The following MGAT4C variants were observed in gnomAD, a reference collection of about 807,000 sequenced individuals.
The protein encoded by MGAT4C is MGAT4 family member C, also known as alpha-1,3-mannosyl-glycoprotein 4-beta-N-acetylglucosaminyltransferase C.
MGAT4C carries 19 observed loss-of-function variants against 40.1 expected under a neutral mutation model. The ratio of observed to expected loss-of-function variants is 0.47; its 90% CI spans 0.33 to 0.70. The LOEUF (loss-of-function observed/expected upper bound fraction) is 0.70. Ranked by LOEUF, MGAT4C falls within the 30% of genes least tolerant of loss-of-function variation. The pLI is 0.02. For synonymous variants in MGAT4C, 181 were observed against 187.1 expected, an observed-to-expected ratio of 0.97 and a Z score of 0.27; for missense variants, 491 against 563.2, an observed-to-expected ratio of 0.87 and a Z score of 1.30.
rs142295353 is a variant in MGAT4C, at chr12:86,518,290, C to T, written c.-228-83025G>A. 5.8e-3 allele frequency among the ~76,000 whole-genome samples: 890 copies of T among 152,254 alleles called. 5 individuals are homozygous for T. The highest frequency in any genetic ancestry group is 0.01 in the Middle Eastern group (3 of 294). ...TACTAAGAAAATACAAATCAAGTCA[C>T]AGCCTAGGATTCTGTATATTTGACC... is the stretch of plus-strand genomic sequence containing the variant. On this transcript the variant is annotated intron_variant, in intron 2 of 7. Transcript: ENST00000548651.
intron 3 of MGAT4C, among the ~76,000 whole-genome samples, chr12:86,346,856 G>A (rs574617334): frequency 1.3e-5 from 2 of 152,310 alleles, no homozygotes; most frequent in African/African-American, 4.8e-5. Flanking sequence ...GCTAGAAAAT[G>A]TACGTGGAAA....
At chr12:86,264,698 C>T (rs1460585989) in intron 4 of MGAT4C, among the ~76,000 whole-genome samples, 2 of 151,806 alleles carry the variant, frequency 1.3e-5, no homozygotes, top group African/African-American at 4.9e-5. Flanking sequence ...GCCATGGCTA[C>T]GGACCCAAGC....
chr12:86,244,426 C>G (rs1231196471), intron 1 of MGAT4C, among the ~76,000 whole-genome samples: 1 of 152,180 alleles, frequency 6.6e-6, no homozygotes, highest in Non-Finnish European at 1.5e-5. Flanking sequence ...AGTTCTGGCT[C>G]TACCACTAAG....
At chr12:86,005,580 C>G (rs1223365212) in intron 2 of MGAT4C, among the ~76,000 whole-genome samples, 1 of 152,118 alleles carries the variant, frequency 6.6e-6, no homozygotes, top group Non-Finnish European at 1.5e-5. Context: ...AAGATCACTT[C>G]CTAGCAGGCC....
chr12:86,096,294 T>G (rs2135583672), intron 1 of MGAT4C, among the ~76,000 whole-genome samples: 1 of 151,884 alleles, frequency 6.6e-6, no homozygotes. Context: ...ATGTAGTTTC[T>G]TATTTCAGAT....
chr12:86,782,542 C>T (rs911520512), intron 1 of MGAT4C, among the ~76,000 whole-genome samples: 6 of 151,952 alleles, frequency 3.9e-5, no homozygotes, highest in Non-Finnish European at 7.4e-5. Context: ...AAATATCTCA[C>T]GAATGTTGTT....
chr12:86,138,615 A>G (rs1179627166), intron 1 of MGAT4C, among the ~76,000 whole-genome samples: 1 of 146,290 alleles, frequency 6.8e-6, no homozygotes, highest in Non-Finnish European at 1.5e-5. Context: ...CCATAGATAT[A>G]TCATATATAT....
At chr12:86,511,498 G>T (rs367578687) in intron 2 of MGAT4C, among the ~76,000 whole-genome samples, 1 of 152,040 alleles carries the variant, frequency 6.6e-6, no homozygotes, top group African/African-American at 2.4e-5. Context: ...AAATGTAACT[G>T]ACATGTTTTA....
intron 2 of MGAT4C, among the ~76,000 whole-genome samples, chr12:86,707,925 T>C (rs1343259543): frequency 6.6e-6 from 1 of 152,146 alleles, no homozygotes; most frequent in East Asian, 1.9e-4. Context: ...AGCAGAAAAG[T>C]TCAGAAAATT....
At chr12:86,140,918 T>C (rs1409187839) in intron 1 of MGAT4C, among the ~76,000 whole-genome samples, 2 of 152,226 alleles carry the variant, frequency 1.3e-5, no homozygotes, top group Non-Finnish European at 1.5e-5. Flanking sequence ...TTACTTTGAA[T>C]ACCCCCAACT....
rs1291353063 is a variant in MGAT4C, at chr12:85,989,424, C to T, written c.123G>A (p.Leu41=). The T allele has an allele frequency of 1.9e-6, 3 of 1,606,516 alleles. No homozygotes were observed. Among genetic ancestry groups the T allele is most frequent in the Admixed American group, 1.7e-5 (1 of 58,998 alleles). The stretch of plus-strand genomic sequence containing the variant: ...CCAGAACATAGCTATCTTCAATGTA[C>T]AAGTTCATAAAAAGGAGAAAAATGA... ...VLVIFLLFMN[L]YIEDSYVLEG... is the part of the protein sequence containing the mutation. The change falls in exon 3 of 5, where the codon TTG becomes TTA. Residue 41 remains leucine (L), a synonymous_variant. Transcript: ENST00000611864.
chr12:86,495,030 A>G (rs1028144862), intron 2 of MGAT4C, among the ~76,000 whole-genome samples: 3 of 152,128 alleles, frequency 2.0e-5, no homozygotes, highest in Admixed American at 6.6e-5. Flanking sequence ...TATGCAGAAT[A>G]TGCACATCTT....
chr12:86,596,475 A>T (rs1270804038), intron 2 of MGAT4C, among the ~76,000 whole-genome samples: 1 of 152,196 alleles, frequency 6.6e-6, no homozygotes, highest in African/African-American at 2.4e-5. Context: ...TCCTCCAAAA[A>T]AGATGGGCTC....
chr12:85,959,973 T>G lies in MGAT4C; in HGVS notation c.*19316A>C, dbSNP rs1406398977. 6.6e-6 allele frequency: 1 copy of G among 152,048 alleles called. No individual in the cohort carries two copies. Among genetic ancestry groups the G allele is most frequent in the Non-Finnish European group, 1.5e-5 (1 of 67,948 alleles). The allele number at this position is 152,048 out of a possible 1,614,324, so 9.4% of individuals were successfully genotyped here. A position where few individuals can be genotyped will look rare whatever the true frequency, so the allele number is the denominator to read the frequency against. On this transcript the variant is annotated 3_prime_UTR_variant, in exon 5 of 5. Coordinates refer to ENST00000611864, the MANE Select transcript of MGAT4C (RefSeq NM_001351288.2). Reference sequence around the variant, plus strand: ...GAACTGTGAAGATAATATCCTATTCTCCTTTTCTTATGGTTTTATTGTGAA... The same window carrying G: ...GAACTGTGAAGATAATATCCTATTCGCCTTTTCTTATGGTTTTATTGTGAA...
chr12:86,654,108 C>A (rs966466662), intron 2 of MGAT4C, among the ~76,000 whole-genome samples: 4 of 152,046 alleles, frequency 2.6e-5, no homozygotes, highest in Middle Eastern at 3.4e-3. Context: ...AATCACTACA[C>A]TTCCACAATT....
chr12:86,708,188 C>T (rs1316249823), intron 2 of MGAT4C, among the ~76,000 whole-genome samples: 1 of 152,166 alleles, frequency 6.6e-6, no homozygotes, highest in Non-Finnish European at 1.5e-5. Flanking sequence ...GACTTGGTGC[C>T]CTGCATCCCA....
intron 4 of MGAT4C, among the ~76,000 whole-genome samples, chr12:86,320,769 T>G (rs563886806): frequency 6.6e-6 from 1 of 152,276 alleles, no homozygotes; most frequent in Non-Finnish European, 1.5e-5. Context: ...TATCTGTCAT[T>G]AAGCCCTAGG....
intron 1 of MGAT4C, among the ~76,000 whole-genome samples, chr12:86,198,355 T>G (rs1949904362): frequency 6.6e-6 from 1 of 152,320 alleles, no homozygotes; most frequent in South Asian, 2.1e-4. Context: ...CCAAAAAGAA[T>G]ATTTTTTCCA....
At position 86,116,262 on chromosome 12, in the gene MGAT4C, A is replaced by C. The variant is rs73385594; in HGVS notation, c.-56-66539T>G. ...GTAGAAGTCGGGCATAATCTGACTT[A>C]TGCATTAACGGGCACTCTGACTTCT... On this transcript the variant is annotated intron_variant, in intron 1 of 4. Coordinates refer to ENST00000611864, the MANE Select transcript of MGAT4C (RefSeq NM_001351288.2). Among the ~76,000 whole-genome samples, 974 of 152,100 alleles carry C rather than the reference A, an allele frequency of 6.4e-3. 5 individuals carry two copies. Among genetic ancestry groups the C allele is most frequent in the African/African-American group, 0.023 (937 of 41,500 alleles).
Sources: allele counts gnomAD v4.1 joint callset (sites outside exome capture counted in the v4.1 genomes callset), GRCh38; gene constraint gnomAD v4.1.1; transcripts MANE v1.5; gene names NCBI Gene and HGNC (gene_info 2026-07-23, HGNC 2026-07-21).